The following MRPL42 variants were observed in gnomAD, a reference collection of about 807,000 sequenced individuals.
MRPL42 encodes the protein mitochondrial ribosomal protein L42, also known as large ribosomal subunit protein mL42.
MRPL42 carries 17 observed loss-of-function variants against 17.9 expected under a neutral mutation model. That is an observed-to-expected ratio of 0.95 (90% confidence interval 0.65 to 1.42). MRPL42 has a LOEUF of 1.42. Ranked by LOEUF, MRPL42 falls within the 40% of genes most tolerant of loss-of-function variation. The pLI is 0.00. For synonymous variants in MRPL42, 59 were observed against 54.4 expected, an observed-to-expected ratio of 1.08 and a Z score of -0.37; for missense variants, 177 against 175.2, an observed-to-expected ratio of 1.01 and a Z score of -0.06.
rs1489534691 is a variant in MRPL42, at chr12:93,514,951, A to G, written c.*13730A>G. The G allele has an allele frequency of 6.6e-6, 1 of 152,200 alleles. No individual in the cohort carries two copies. Among genetic ancestry groups the G allele is most frequent in the African/African-American group, 2.4e-5 (1 of 41,448 alleles). The allele number at this position is 152,200 out of a possible 1,614,324, so 9.4% of individuals were successfully genotyped here. ...TCATCCTCTTGATTTGCATTGAGTC[A>G]TCATTTCTTAAGAGGGAATCAGGAT... On this transcript the variant is annotated 3_prime_UTR_variant, in exon 6 of 6. Transcript: ENST00000549982.
chr12:93,477,860 A>G lies in MRPL42; in HGVS notation c.134+843A>G, dbSNP rs369313155. ...GTATTTTTAGTAGAGATGGGGTTTC[A>G]CCATGTTAGCCAGGCTGGTCTCAAA... On this transcript the variant is annotated intron_variant, in intron 3 of 5. Transcript: ENST00000549982. 2.0e-4 allele frequency among the ~76,000 whole-genome samples: 30 copies of G among 152,272 alleles called. No individual in the cohort carries two copies. The East Asian group carries it at 5.2e-3, about 26-fold the overall frequency.
At chr12:93,486,604 C>G (rs1880752600) in intron 4 of MRPL42, among the ~76,000 whole-genome samples, 1 of 152,176 alleles carries the variant, frequency 6.6e-6, no homozygotes, top group African/African-American at 2.4e-5. Flanking sequence ...TCCCAAAGTG[C>G]TGGGATTACA....
intron 5 of MRPL42, among the ~76,000 whole-genome samples, chr12:93,496,002 T>A (rs1230493687): frequency 2.6e-5 from 4 of 152,214 alleles, no homozygotes; most frequent in Middle Eastern, 3.2e-3. Flanking sequence ...ATACATTGTA[T>A]TAAGGATACT....
At position 93,510,901 on chromosome 12, in the gene MRPL42, A is replaced by C. The variant is rs1439687324; in HGVS notation, c.*9680A>C. ...ATCTGTTTAAAGAGAAAGGAGAGAA[A>C]GTTTCAGGCAGGGAATGCAATCGAT... On this transcript the variant is annotated 3_prime_UTR_variant, in exon 6 of 6. Transcript: ENST00000549982. The C allele has an allele frequency of 6.6e-6, 1 of 152,204 alleles. No individual in the cohort carries two copies. Among genetic ancestry groups the C allele is most frequent in the Non-Finnish European group, 1.5e-5 (1 of 68,030 alleles). The allele number at this position is 152,204 out of a possible 1,614,324, so 9.4% of individuals were successfully genotyped here.
At chr12:93,494,658 T>G (rs964077341) in intron 5 of MRPL42, among the ~76,000 whole-genome samples, 6 of 152,020 alleles carry the variant, frequency 3.9e-5, no homozygotes, top group Admixed American at 3.9e-4. Context: ...AAGGGACAGG[T>G]CTTGACCACA....
intron 4 of MRPL42, among the ~76,000 whole-genome samples, chr12:93,486,627 C>T (rs1006939965): frequency 5.3e-5 from 8 of 151,890 alleles, no homozygotes; most frequent in East Asian, 1.9e-4. Flanking sequence ...CGTGAGCCAC[C>T]GCACCCGGCC....
At chr12:93,469,066 G>T in intron 1 of MRPL42, 126 bp from the exon 2 acceptor site, 1 of 472,838 alleles carries the variant, frequency 2.1e-6, no homozygotes, top group Non-Finnish European at 3.7e-6. Flanking sequence ...ATGTGGAATT[G>T]CCAAGTTGTT....
Position 93,487,739 on chromosome 12 carries a change from C to G in MRPL42, c.383+79C>G. ...TGGATTTTCTTGCAATAACAAACTT[C>G]TGAAGTGGTGTTTTGCATGAGGAAA... On this transcript the variant is annotated intron_variant, in intron 5 of 5. Transcript: ENST00000549982. 6.2e-6 allele frequency: 8 copies of G among 1,284,846 alleles called. 1 individual carries two copies. In the Middle Eastern group the frequency reaches 6.0e-4, roughly 96 times the overall value. The allele number at this position is 1,284,846 out of a possible 1,614,324, so 79.6% of individuals were successfully genotyped here. A position where few individuals can be genotyped will look rare whatever the true frequency, so the allele number is the denominator to read the frequency against.
Position 93,502,376 on chromosome 12 carries a change from G to T in MRPL42, c.*1155G>T, listed in dbSNP as rs899832544. ...GAAGAATCTTTTAATAAGGTAGAAA[G>T]TTGCTTTATTTAAATTTGTACTGTA... is the stretch of plus-strand genomic sequence containing the variant. On this transcript the variant is annotated 3_prime_UTR_variant, in exon 6 of 6. Transcript: ENST00000549982. The T allele has an allele frequency of 1.3e-5, 2 of 152,168 alleles. No homozygotes were observed. Among genetic ancestry groups the T allele is most frequent in the Non-Finnish European group, 2.9e-5 (2 of 68,024 alleles). The allele number at this position is 152,168 out of a possible 1,614,324, so 9.4% of individuals were successfully genotyped here.
At position 93,480,805 on chromosome 12, in the gene MRPL42, G is replaced by A. The variant is rs541064110; in HGVS notation, c.219+1333G>A. 5.9e-5 allele frequency among the ~76,000 whole-genome samples: 9 copies of A among 152,076 alleles called. No homozygotes were observed. In the South Asian group the frequency reaches 1.5e-3, roughly 25 times the overall value. ...TCCGCCTGCCTCAGCCTCCCAAAGC[G>A]CTGGGATTACAGGTATGAGCCACCG... On this transcript the variant is annotated intron_variant, in intron 4 of 5. Transcript: ENST00000549982.
At position 93,501,503 on chromosome 12, in the gene MRPL42, A is replaced by G. The variant is rs1953594948; in HGVS notation, c.*282A>G. On this transcript the variant is annotated 3_prime_UTR_variant, in exon 6 of 6. Transcript: ENST00000549982. Reference sequence around the variant, plus strand: ...AGCCATACATATTCAGTAGAACATCAATAAATTACATCAGAAATTCAACAC... The same window carrying G: ...AGCCATACATATTCAGTAGAACATCGATAAATTACATCAGAAATTCAACAC... The G allele has an allele frequency of 4.5e-6, 1 of 223,976 alleles. No homozygotes were observed. Among genetic ancestry groups the G allele is most frequent in the Admixed American group, 5.7e-5 (1 of 17,548 alleles). 13.9% of individuals were successfully genotyped at this position (223,976 alleles called of 1,614,324 possible).
chr12:93,501,248 A>G lies in MRPL42; in HGVS notation c.*27A>G. Reference sequence around the variant, plus strand: ...GCGGAGGTTCCTGGGGGAATCAAAGAGAAATGTGCCTCATTTGCCATTTGA... The same window carrying G: ...GCGGAGGTTCCTGGGGGAATCAAAGGGAAATGTGCCTCATTTGCCATTTGA... On this transcript the variant is annotated 3_prime_UTR_variant, in exon 6 of 6. Transcript: ENST00000549982. The G allele has an allele frequency of 6.3e-7, 1 of 1,578,662 alleles. No homozygotes were observed. The highest frequency in any genetic ancestry group is 8.6e-7 in the Non-Finnish European group (1 of 1,164,260).
In MRPL42 at chr12:93,513,114, A is replaced by G. The variant is rs184857820; in HGVS notation, c.*11893A>G. The G allele has an allele frequency of 1.4e-4, 21 of 150,776 alleles. No individual in the cohort carries two copies. The highest frequency in any genetic ancestry group is 4.9e-4 in the African/African-American group (20 of 41,156). 9.3% of individuals were successfully genotyped at this position (150,776 alleles called of 1,614,324 possible). On this transcript the variant is annotated 3_prime_UTR_variant, in exon 6 of 6. Coordinates refer to ENST00000549982, the MANE Select transcript of MRPL42 (RefSeq NM_014050.4). ...ATATACATCAATCCATGAAAGTAGT[A>G]GTATTGTCAATCTACCCTGGATTAC... is the stretch of plus-strand genomic sequence containing the variant.
chr12:93,499,724 G>T (rs1406877155), intron 5 of MRPL42, among the ~76,000 whole-genome samples: 1 of 152,118 alleles, frequency 6.6e-6, no homozygotes, highest in African/African-American at 2.4e-5. Context: ...AGTATAGACA[G>T]CTGTACTTCG....
chr12:93,476,127 A>T (rs1303887761), intron 2 of MRPL42, among the ~76,000 whole-genome samples: 1 of 152,168 alleles, frequency 6.6e-6, no homozygotes, highest in East Asian at 1.9e-4. Flanking sequence ...TTCATATTTC[A>T]TCACTTCACC....
rs1007768167 is a variant in MRPL42, at chr12:93,506,417, C to A, written c.*5196C>A. The A allele has an allele frequency of 2.0e-5, 3 of 151,872 alleles. No individual in the cohort carries two copies. Among genetic ancestry groups the A allele is most frequent in the African/African-American group, 7.3e-5 (3 of 41,234 alleles). The allele number at this position is 151,872 out of a possible 1,614,324, so 9.4% of individuals were successfully genotyped here. A position where few individuals can be genotyped will look rare whatever the true frequency, so the allele number is the denominator to read the frequency against. ...AGTAGCTGGGACTATAGGCATGCAA[C>A]ACCATGTCCGGCTAATTTTTTGTAT... On this transcript the variant is annotated 3_prime_UTR_variant, in exon 6 of 6. Coordinates refer to ENST00000549982, the MANE Select transcript of MRPL42 (RefSeq NM_014050.4).
chr12:93,477,272 C>T (rs73367721), intron 3 of MRPL42, among the ~76,000 whole-genome samples: 1,895 of 152,216 alleles, frequency 0.012, 43 homozygotes, highest in African/African-American at 0.043. Context: ...GAACTGCTAT[C>T]TTTTCTTCCT....
At chr12:93,498,195 G>C (rs1953540953) in intron 5 of MRPL42, among the ~76,000 whole-genome samples, 1 of 1,002 alleles carries the variant, frequency 1.0e-3, no homozygotes, top group Non-Finnish European at 2.8e-3. Flanking sequence ...GTGTACTACA[G>C]AATCATTAGG....
At position 93,505,911 on chromosome 12, in the gene MRPL42, CTTTT is replaced by C. The variant is rs750799768; in HGVS notation, c.*4707_*4710del. On this transcript the variant is annotated 3_prime_UTR_variant, in exon 6 of 6. Transcript: ENST00000549982. ...TAGAACCTTATGATTACTTCTGAGT[CTTTT>C]TTTTTTTTTTTTTTTTGAGATGGAG... 1.1e-4 allele frequency: 14 copies of C among 122,598 alleles called. No homozygotes were observed. The highest frequency in any genetic ancestry group is 4.6e-4 in the East Asian group (2 of 4,352). 7.6% of individuals were successfully genotyped at this position (122,598 alleles called of 1,614,324 possible).
Sources: gnomAD v4.1 joint callset for allele counts (sites outside exome capture counted in the v4.1 genomes callset) on GRCh38, gnomAD v4.1.1 for gene constraint, MANE v1.5 for transcripts, NCBI Gene and HGNC (gene_info 2026-07-23, HGNC 2026-07-21) for gene names.